The following NTNG1 variants were observed in gnomAD, a reference collection of about 807,000 sequenced individuals.
The protein encoded by NTNG1 is netrin G1, also known as netrin-G1.
In NTNG1, 16 loss-of-function variants were observed where a neutral mutation model predicts 54.0. The ratio of observed to expected loss-of-function variants is 0.30; its 90% CI spans 0.20 to 0.45. NTNG1 has a LOEUF of 0.45. Ranked by LOEUF, NTNG1 falls within the 20% of genes least tolerant of loss-of-function variation. The pLI is 1.00. For missense variants in NTNG1, 530 were observed against 678.7 expected (o/e 0.78, Z 2.43); for synonymous variants, 255 against 263.1 (o/e 0.97, Z 0.30).
At chr1:107,270,725 C>T (rs1272937535) in intron 2 of NTNG1, among the ~76,000 whole-genome samples, 13 of 141,158 alleles carry the variant, frequency 9.2e-5, no homozygotes, top group African/African-American at 3.1e-4. Flanking sequence ...CCCCCCCACC[C>T]CCAACCCGCC....
intron 3 of NTNG1, among the ~76,000 whole-genome samples, chr1:107,325,202 C>A (rs749749286): frequency 9.9e-5 from 15 of 152,048 alleles, no homozygotes; most frequent in African/African-American, 1.4e-4. Flanking sequence ...TCCTTTAGGT[C>A]TTTAAGGCAA....
chr1:107,172,012 GT>G (rs1377413640), intron 2 of NTNG1, among the ~76,000 whole-genome samples: 43 of 151,912 alleles, frequency 2.8e-4, no homozygotes, highest in Non-Finnish European at 1.9e-4. Context: ...CTTTTAGTCT[GT>G]TTTTTATTCT....
chr1:107,475,093 T>G (rs891715463), intron 7 of NTNG1, among the ~76,000 whole-genome samples: 2 of 152,202 alleles, frequency 1.3e-5, no homozygotes, highest in African/African-American at 4.8e-5. Flanking sequence ...CAATTGATAC[T>G]ATCAACAAAG....
Position 107,280,972 on chromosome 1 carries a change from C to G in NTNG1, c.247-43310C>G, listed in dbSNP as rs186049901. ...TAATGGAAATGGAAGGGCAATTGTT[C>G]CATATAATATGTTCTCTTTCTCTTC... On this transcript the variant is annotated intron_variant, in intron 2 of 7. Coordinates refer to ENST00000370068, the MANE Select transcript of NTNG1 (RefSeq NM_001113226.3). Among the ~76,000 whole-genome samples the G allele has an allele frequency of 1.5e-3, 221 of 151,642 alleles. 2 individuals carry two copies. The highest frequency in any genetic ancestry group is 5.3e-3 in the African/African-American group (219 of 41,168).
intron 7 of NTNG1, among the ~76,000 whole-genome samples, chr1:107,476,140 C>A (rs1678309704): frequency 6.6e-6 from 1 of 152,196 alleles, no homozygotes; most frequent in Non-Finnish European, 1.5e-5. Flanking sequence ...TAGATACAGT[C>A]ATTCACATCA....
At chr1:107,400,407 C>G (rs1672946536) in intron 4 of NTNG1, among the ~76,000 whole-genome samples, 1 of 152,048 alleles carries the variant, frequency 6.6e-6, no homozygotes, top group Non-Finnish European at 1.5e-5. Context: ...TCATAAAGTA[C>G]TTTATGCTCT....
intron 2 of NTNG1, among the ~76,000 whole-genome samples, chr1:107,231,820 G>A (rs896277478): frequency 2.0e-5 from 3 of 152,130 alleles, no homozygotes; most frequent in Admixed American, 6.6e-5. Context: ...TGTTGCCAAC[G>A]AGAATGAAAT....
intron 2 of NTNG1, among the ~76,000 whole-genome samples, chr1:107,261,584 C>T (rs912312032): frequency 2.0e-5 from 3 of 152,214 alleles, no homozygotes; most frequent in African/African-American, 7.2e-5. Flanking sequence ...TGGCTCACGC[C>T]TGTAATCCCA....
intron 5 of NTNG1, 88 bp from the exon 6 acceptor site, chr1:107,430,648 TTCCACCGTCTTTTC>T: frequency 8.5e-7 from 1 of 1,180,332 alleles, no homozygotes; most frequent in Non-Finnish European, 1.3e-6. Context: ...TGTAATGCCA[TTCCACCGTCTTTTC>T]TCCATCCCTC....
At chr1:107,454,233 C>T (rs1400555844) in intron 7 of NTNG1, among the ~76,000 whole-genome samples, 1 of 152,170 alleles carries the variant, frequency 6.6e-6, no homozygotes, top group Non-Finnish European at 1.5e-5. Context: ...TACCAATTCT[C>T]TCTCACTATC....
intron 2 of NTNG1, among the ~76,000 whole-genome samples, chr1:107,189,205 G>C (rs551182037): frequency 2.0e-5 from 3 of 152,002 alleles, no homozygotes; most frequent in South Asian, 4.2e-4. Flanking sequence ...ACAAAAATTA[G>C]CTGGGAGTGG....
At chr1:107,394,102 C>G (rs1446850655) in intron 3 of NTNG1, among the ~76,000 whole-genome samples, 1 of 152,004 alleles carries the variant, frequency 6.6e-6, no homozygotes, top group African/African-American at 2.4e-5. Flanking sequence ...TCTTGGTTCT[C>G]TACCCCTGCC....
At chr1:107,256,091 A>G (rs924742400) in intron 2 of NTNG1, among the ~76,000 whole-genome samples, 3 of 152,226 alleles carry the variant, frequency 2.0e-5, no homozygotes, top group Non-Finnish European at 2.9e-5. Flanking sequence ...AAGTTATTAC[A>G]TTATGGTCAC....
chr1:107,190,851 A>C (rs1220030197), intron 2 of NTNG1, among the ~76,000 whole-genome samples: 1 of 152,140 alleles, frequency 6.6e-6, no homozygotes, highest in Non-Finnish European at 1.5e-5. Context: ...GTTGGTTCCA[A>C]GTCTTTGCTA....
intron 3 of NTNG1, among the ~76,000 whole-genome samples, chr1:107,376,426 A>AAC (rs1376386073): frequency 4.0e-5 from 6 of 151,784 alleles, no homozygotes; most frequent in South Asian, 4.2e-4. Flanking sequence ...ACAAAAAAAA[A>AAC]AACAAAAAAA....
intron 2 of NTNG1, among the ~76,000 whole-genome samples, chr1:107,222,734 G>GGA (rs930231263): frequency 1.3e-5 from 2 of 151,834 alleles, no homozygotes; most frequent in African/African-American, 4.8e-5. Context: ...AATTATAGGA[G>GGA]GAGACAAGGT....
intron 2 of NTNG1, among the ~76,000 whole-genome samples, chr1:107,183,718 C>T (rs1347199342): frequency 6.6e-6 from 1 of 152,056 alleles, no homozygotes; most frequent in African/African-American, 2.4e-5. Context: ...GTTTCAGAAT[C>T]CCGAATGAGC....
chr1:107,160,915 AT>A lies in NTNG1; in HGVS notation c.246+12082del, dbSNP rs142698009. The stretch of plus-strand genomic sequence containing the variant: ...CACCCTATTGAAATGCATCCTCTGA[AT>A]TTTTTATGGGGATTATAGTAAAAAT... On this transcript the variant is annotated intron_variant, in intron 2 of 7. Coordinates refer to ENST00000370068, the MANE Select transcript of NTNG1 (RefSeq NM_001113226.3). 9.0e-3 allele frequency among the ~76,000 whole-genome samples: 1,363 copies of A among 152,210 alleles called. 24 individuals carry two copies. The highest frequency in any genetic ancestry group is 0.065 in the East Asian group (334 of 5,174).
intron 6 of NTNG1, among the ~76,000 whole-genome samples, chr1:107,435,203 T>C (rs1166988208): frequency 6.6e-6 from 1 of 152,162 alleles, no homozygotes; most frequent in African/African-American, 2.4e-5. Context: ...AGTTTCGATA[T>C]AGGTACAAAT....
Sources: gnomAD v4.1 joint callset for allele counts (sites outside exome capture counted in the v4.1 genomes callset) on GRCh38, gnomAD v4.1.1 for gene constraint, MANE v1.5 for transcripts, NCBI Gene and HGNC (gene_info 2026-07-23, HGNC 2026-07-21) for gene names.